The following GRK5 variants were observed in gnomAD, a reference collection of about 807,000 sequenced individuals.
The protein encoded by GRK5 is g protein-coupled receptor kinase GRK5.
Under a neutral mutation model 78.4 loss-of-function variants are expected in GRK5, and 40 were observed. That is an observed-to-expected ratio of 0.51 (90% CI 0.40 to 0.66). The LOEUF (loss-of-function observed/expected upper bound fraction) is 0.66. Ranked by LOEUF, GRK5 falls within the 30% of genes least tolerant of loss-of-function variation. The pLI is 0.00. For missense variants in GRK5, 598 were observed against 759.9 expected, an observed-to-expected ratio of 0.79 and a Z score of 2.50; for synonymous variants, 289 against 296.8, an observed-to-expected ratio of 0.97 and a Z score of 0.27.
At chr10:119,268,056 C>T (rs1408198767) in intron 1 of GRK5, among the ~76,000 whole-genome samples, 3 of 152,210 alleles carry the variant, frequency 2.0e-5, no homozygotes, top group Non-Finnish European at 4.4e-5. Context: ...GGGTGTGTCA[C>T]TAAATGGCAA....
rs117292540 is a variant in GRK5, at chr10:119,314,981, G to T, written c.53-11535G>T. 6.7e-3 allele frequency among the ~76,000 whole-genome samples: 1,019 copies of T among 152,308 alleles called. 2 individuals carry two copies. The highest frequency in any genetic ancestry group is 0.04 in the South Asian group (192 of 4,820). ...AGAACGAGACCCTTGGCCTGTATCT[G>T]CCCCACTCCATCCCTTCCCTGCCTT... is the stretch of plus-strand genomic sequence containing the variant. On this transcript the variant is annotated intron_variant, in intron 1 of 15. Transcript: ENST00000392870.
rs1489157212 is a variant in GRK5 at position 119,445,445 on chromosome 10, ACCCACCTTGG to A, written c.1266+1697_1266+1706del. 5.9e-5 allele frequency among the ~76,000 whole-genome samples: 9 copies of A among 151,946 alleles called. No homozygotes were observed. The highest frequency in any genetic ancestry group is 2.2e-4 in the African/African-American group (9 of 41,446). The stretch of plus-strand genomic sequence containing the variant: ...CCAGTCCCACCCCCAGACCCCAGAC[ACCCACCTTGG>A]CCCCTGGCTTTGGAGCTGGGATCTC... On this transcript the variant is annotated intron_variant, in intron 12 of 15. Coordinates refer to ENST00000392870, the MANE Select transcript of GRK5 (RefSeq NM_005308.3). This position sits in a 1 kb window ranked among gnomAD's most constrained non-coding sequence, Gnocchi z 4.1.
intron 2 of GRK5, among the ~76,000 whole-genome samples, chr10:119,344,936 TTTCCTC>T (rs1851061826): frequency 8.2e-6 from 1 of 122,546 alleles, no homozygotes; most frequent in East Asian, 2.6e-4. Context: ...CTTCCTTCCT[TTTCCTC>T]CCTCCCTCCC....
intron 1 of GRK5, among the ~76,000 whole-genome samples, chr10:119,288,779 G>A (rs567976951): frequency 3.7e-4 from 56 of 152,326 alleles, no homozygotes; most frequent in African/African-American, 1.3e-3. Context: ...TCACCCACCC[G>A]GCCTCAGCCA....
At chr10:119,300,174 T>C (rs960345408) in intron 1 of GRK5, among the ~76,000 whole-genome samples, 2 of 152,204 alleles carry the variant, frequency 1.3e-5, no homozygotes, top group African/African-American at 4.8e-5. Context: ...CTCATGACCC[T>C]GGGTGCCGCT....
Position 119,458,338 on chromosome 10 carries a change from A to C in GRK5, c.*3271A>C, listed in dbSNP as rs1853431119. 6.6e-6 allele frequency: 1 copy of C among 152,210 alleles called. No homozygotes were observed. Among genetic ancestry groups the C allele is most frequent in the Non-Finnish European group, 1.5e-5 (1 of 68,064 alleles). The allele number at this position is 152,210 out of a possible 1,614,324, so 9.4% of individuals were successfully genotyped here. A position where few individuals can be genotyped will look rare whatever the true frequency, so the allele number is the denominator to read the frequency against. The stretch of plus-strand genomic sequence containing the variant: ...ATTGAGTCCCCTGGGGGGCACCCAG[A>C]ATACCACCCAAAATAGCAAGAAGAC... On this transcript the variant is annotated 3_prime_UTR_variant, in exon 16 of 16. Transcript: ENST00000392870.
chr10:119,297,534 CT>C (rs780469046), intron 1 of GRK5, among the ~76,000 whole-genome samples: 3 of 152,220 alleles, frequency 2.0e-5, no homozygotes, highest in Non-Finnish European at 2.9e-5. Flanking sequence ...TGCGATGATA[CT>C]ATGAAGTAGA....
intron 14 of GRK5, 141 bp from the exon 15 acceptor site, chr10:119,453,004 G>T: frequency 1.2e-6 from 1 of 850,438 alleles, no homozygotes; most frequent in South Asian, 1.5e-5. Flanking sequence ...TTGACGGGGA[G>T]CCTCGCCCAG....
At chr10:119,262,974 G>A (rs1198187533) in intron 1 of GRK5, among the ~76,000 whole-genome samples, 2 of 152,114 alleles carry the variant, frequency 1.3e-5, no homozygotes, top group Admixed American at 6.5e-5. Flanking sequence ...AAGTTGTTGG[G>A]AAATATTTCT....
At chr10:119,371,072 C>T (rs766948150) in intron 2 of GRK5, among the ~76,000 whole-genome samples, 1 of 152,026 alleles carries the variant, frequency 6.6e-6, no homozygotes, top group Non-Finnish European at 1.5e-5. Flanking sequence ...AGCCGCGTTC[C>T]GTCCTTGCTC....
At chr10:119,396,805 C>T (rs1852062371) in intron 4 of GRK5, 33 bp downstream of exon 4, 1 of 1,526,862 alleles carries the variant, frequency 6.5e-7, no homozygotes, top group Non-Finnish European at 9.1e-7. Context: ...CAGCAGGTGG[C>T]ACAGGAGGCC....
intron 1 of GRK5, among the ~76,000 whole-genome samples, chr10:119,265,798 C>G (rs1849486113): frequency 6.6e-6 from 1 of 152,216 alleles, no homozygotes; most frequent in African/African-American, 2.4e-5. Context: ...AAACCCTGGG[C>G]CCTGCAGGTT....
At chr10:119,351,922 A>G (rs974916748) in intron 2 of GRK5, among the ~76,000 whole-genome samples, 9 of 152,218 alleles carry the variant, frequency 5.9e-5, no homozygotes, top group Admixed American at 5.2e-4. Context: ...AGGTCTGTCA[A>G]CTCCTGATCC....
Position 119,291,456 on chromosome 10 carries a change from C to T in GRK5, c.53-35060C>T, listed in dbSNP as rs186201578. ...ATGGTGTGACCACGGCTGCCTCGGG[C>T]GCTGGTGGGTGCAGAGCTGCTTCCT... On this transcript the variant is annotated intron_variant, in intron 1 of 15. Coordinates refer to ENST00000392870, the MANE Select transcript of GRK5 (RefSeq NM_005308.3). Among the ~76,000 whole-genome samples, 9 of 152,096 alleles carry T rather than the reference C, an allele frequency of 5.9e-5. No individual in the cohort carries two copies. The East Asian group carries it at 1.6e-3, about 26-fold the overall frequency.
At chr10:119,268,289 C>T (rs1405655927) in intron 1 of GRK5, among the ~76,000 whole-genome samples, 1 of 152,184 alleles carries the variant, frequency 6.6e-6, no homozygotes, top group Non-Finnish European at 1.5e-5. Context: ...AAAAACAAAG[C>T]CCAAGCAGTG....
At chr10:119,450,469 G>A (rs1853253031) in intron 13 of GRK5, among the ~76,000 whole-genome samples, 1 of 152,222 alleles carries the variant, frequency 6.6e-6, no homozygotes, top group Non-Finnish European at 1.5e-5. Context: ...CAAGAGAAGA[G>A]AACAGGCAGC....
intron 4 of GRK5, among the ~76,000 whole-genome samples, chr10:119,409,140 C>G (rs1447228508): frequency 6.6e-6 from 1 of 152,224 alleles, no homozygotes; most frequent in Non-Finnish European, 1.5e-5. Flanking sequence ...CAACCTGGGC[C>G]TCGGCTTCCA....
intron 4 of GRK5, among the ~76,000 whole-genome samples, chr10:119,416,578 T>A (rs1424629951): frequency 2.4e-5 from 1 of 41,184 alleles, no homozygotes; most frequent in East Asian, 1.6e-3. Flanking sequence ...AATTGATCGC[T>A]CTCTCTCTCT....
At chr10:119,425,354 G>T (rs1199067185) in intron 6 of GRK5, among the ~76,000 whole-genome samples, 1 of 151,506 alleles carries the variant, frequency 6.6e-6, no homozygotes, top group Non-Finnish European at 1.5e-5. Context: ...TTACTTCACT[G>T]TCTTTGTCAG....
Sources: gnomAD v4.1 joint callset for allele counts (sites outside exome capture counted in the v4.1 genomes callset) on GRCh38, gnomAD v4.1.1 for gene constraint, Gnocchi (gnomAD v3.1) non-coding constraint, MANE v1.5 for transcripts, NCBI Gene and HGNC (gene_info 2026-07-23, HGNC 2026-07-21) for gene names.